The following SNX19 variants were observed in gnomAD, a reference collection of about 807,000 sequenced individuals.
SNX19 encodes the protein sorting nexin-19.
In SNX19, 60 loss-of-function variants were observed where a neutral mutation model predicts 85.2. The ratio of observed to expected loss-of-function variants is 0.70; its 90% CI spans 0.57 to 0.87. The LOEUF (loss-of-function observed/expected upper bound fraction) is 0.87, where lower values mean the gene tolerates loss of function less well. SNX19 is among the 40% of genes least tolerant of loss of function. The probability of loss-of-function intolerance (pLI) is 0.00; values close to 1 mark genes in which losing one functional copy is unlikely to be tolerated. For synonymous variants in SNX19, 520 were observed against 470.0 expected (o/e 1.11, Z -1.38); for missense variants, 1,201 against 1,217.8 (o/e 0.99, Z 0.21).
rs2135268852 is a variant in SNX19, at chr11:130,878,284, G to A, written c.*138C>T. On this transcript the variant is annotated 3_prime_UTR_variant, in exon 11 of 11. Transcript: ENST00000265909. The stretch of plus-strand genomic sequence containing the variant: ...GTCACCTGCTACAAATGGAGCAGAA[G>A]TGGGAGAGAAGTGAGCCACCGAGAA... 1 of 906,342 alleles carries A rather than the reference G, an allele frequency of 1.1e-6. No individual in the cohort carries two copies. The allele number at this position is 906,342 out of a possible 1,614,324, so 56.1% of individuals were successfully genotyped here. A position where few individuals can be genotyped will look rare whatever the true frequency, so the allele number is the denominator to read the frequency against.
At chr11:130,899,447 A>G (rs1945106991) in intron 8 of SNX19, among the ~76,000 whole-genome samples, 1 of 152,202 alleles carries the variant, frequency 6.6e-6, no homozygotes, top group African/African-American at 2.4e-5. Flanking sequence ...GCTATAAGGT[A>G]CTTCAGAAGA....
chr11:130,902,950 G>A, intron 8 of SNX19: 1 of 262,522 alleles, frequency 3.8e-6, no homozygotes, highest in Non-Finnish European at 7.3e-6. Context: ...TGCAGGGCTG[G>A]AGGATATAAC....
Position 130,912,553 on chromosome 11 carries a change from C to T in SNX19, c.1675-782G>A, listed in dbSNP as rs76028953. On this transcript the variant is annotated intron_variant, in intron 1 of 10. Transcript: ENST00000265909. ...ACGCTGTGGGAGAAGTATATATGTGCGCCTTCTCATTAGGAATGGGCTATT... is the reference window on the plus strand; with the variant it reads ...ACGCTGTGGGAGAAGTATATATGTGTGCCTTCTCATTAGGAATGGGCTATT... 7.3e-3 allele frequency among the ~76,000 whole-genome samples: 1,118 copies of T among 152,268 alleles called. 12 individuals are homozygous for T. Among genetic ancestry groups the T allele is most frequent in the African/African-American group, 0.026 (1,080 of 41,544 alleles).
intron 8 of SNX19, chr11:130,895,203 C>A: frequency 1.0e-6 from 1 of 985,382 alleles, no homozygotes; most frequent in Non-Finnish European, 1.2e-6. Context: ...CCTGAAGGGC[C>A]CCCAAACCTC....
In SNX19 at chr11:130,903,342, A is replaced by G; in HGVS notation, c.2486T>C (p.Leu829Pro). 3.1e-6 allele frequency: 5 copies of G among 1,613,444 alleles called. No individual in the cohort carries two copies. Among genetic ancestry groups the G allele is most frequent in the Non-Finnish European group, 3.4e-6 (4 of 1,179,908 alleles). ...ELADTALDLLLLLLTEQWKWL... is the reference protein window; with the variant it reads ...ELADTALDLLPLLLTEQWKWL... ...TTTCCACTGTTCTGTTAGTAGCAAG[A>G]GGAGCAGATCCAGGGCTGTGTCAGC... The change falls in exon 8 of 11, where the codon CTC becomes CCC. Residue 829 changes from leucine to proline, a missense_variant. Leu to Pro is a moderately conservative substitution (Grantham distance 98, BLOSUM62 -3). Coordinates refer to ENST00000265909, the MANE Select transcript of SNX19 (RefSeq NM_014758.3).
chr11:130,881,105 T>A (rs1943636713), intron 8 of SNX19: 1 of 246,240 alleles, frequency 4.1e-6, no homozygotes, highest in African/African-American at 2.2e-5. Context: ...GTTCTGCTGG[T>A]ACCTTGATCT....
Position 130,914,154 on chromosome 11 carries a change from G to A in SNX19, c.1674+112C>T, listed in dbSNP as rs1050348722. On this transcript the variant is annotated intron_variant, in intron 1 of 10. Transcript: ENST00000265909. ...CCATTCACAGAGATAGATGCCTATT[G>A]AAAGAACCACTTCAAACTAACAGCA... is the stretch of plus-strand genomic sequence containing the variant. The A allele has an allele frequency of 3.4e-6, 3 of 876,940 alleles. No individual in the cohort carries two copies. The Admixed American group carries it at 8.9e-5, about 26-fold the overall frequency. 54.3% of individuals were successfully genotyped at this position (876,940 alleles called of 1,614,324 possible). A position where few individuals can be genotyped will look rare whatever the true frequency, so the allele number is the denominator to read the frequency against.
Position 130,878,274 on chromosome 11 carries a change from T to C in SNX19, c.*148A>G, listed in dbSNP as rs1025392915. 16 of 803,028 alleles carry C rather than the reference T, an allele frequency of 2.0e-5. No individual in the cohort carries two copies. The highest frequency in any genetic ancestry group is 1.7e-4 in the African/African-American group (10 of 58,688). 49.7% of individuals were successfully genotyped at this position (803,028 alleles called of 1,614,324 possible). ...ACAGACCCCTGTCACCTGCTACAAA[T>C]GGAGCAGAAGTGGGAGAGAAGTGAG... On this transcript the variant is annotated 3_prime_UTR_variant, in exon 11 of 11. Coordinates refer to ENST00000265909, the MANE Select transcript of SNX19 (RefSeq NM_014758.3).
At chr11:130,885,362 G>A (rs1245237292) in intron 8 of SNX19, among the ~76,000 whole-genome samples, 1 of 152,206 alleles carries the variant, frequency 6.6e-6, no homozygotes, top group African/African-American at 2.4e-5. Flanking sequence ...GGGGAATGAA[G>A]CAATGACTAA....
chr11:130,903,485 C>T, intron 7 of SNX19, 101 bp from the exon 8 acceptor site: 1 of 1,306,494 alleles, frequency 7.7e-7, no homozygotes, highest in Non-Finnish European at 1.0e-6. Flanking sequence ...ACCTTCATGC[C>T]AATCATCTGG....
intron 9 of SNX19, among the ~76,000 whole-genome samples, chr11:130,880,404 G>A (rs960226554): frequency 1.3e-5 from 2 of 152,208 alleles, no homozygotes; most frequent in African/African-American, 4.8e-5. Flanking sequence ...CAGCTGTAGA[G>A]TTCCTTTCCA....
intron 8 of SNX19, among the ~76,000 whole-genome samples, chr11:130,890,616 TC>T (rs1944426457): frequency 1.3e-5 from 2 of 152,170 alleles, no homozygotes; most frequent in Non-Finnish European, 2.9e-5. Context: ...CATACTAACT[TC>T]TTTGAGTACC....
chr11:130,911,230 T>C (rs1308577928), intron 2 of SNX19, among the ~76,000 whole-genome samples: 3 of 2,002 alleles, frequency 1.5e-3, no homozygotes, highest in Non-Finnish European at 3.1e-3. Context: ...TGCCTGAGAG[T>C]TGTCATAACA....
rs886338551 is a variant in SNX19, at chr11:130,874,088, T to A, written c.*4334A>T. ...TTAAGGCTAGAATGCAGTGGTGTGA[T>A]CGTAGCTCACTGCAGCCTCAAATTC... On this transcript the variant is annotated 3_prime_UTR_variant, in exon 11 of 11. Coordinates refer to ENST00000265909, the MANE Select transcript of SNX19 (RefSeq NM_014758.3). 2.6e-5 allele frequency among the ~76,000 whole-genome samples: 4 copies of A among 152,058 alleles called. No individual in the cohort carries two copies. Among genetic ancestry groups the A allele is most frequent in the Non-Finnish European group, 4.4e-5 (3 of 67,992 alleles).
Position 130,916,008 on chromosome 11 carries a change from G to A in SNX19, c.-69C>T, listed in dbSNP as rs1946563222. On this transcript the variant is annotated 5_prime_UTR_variant, in exon 1 of 11. Coordinates refer to ENST00000265909, the MANE Select transcript of SNX19 (RefSeq NM_014758.3). Reference sequence around the variant, plus strand: ...ATTTTACTTCAGAGTTAGGGAAGGGGGGCATGAACTGTGTCTCAGATATGG... The same window carrying A: ...ATTTTACTTCAGAGTTAGGGAAGGGAGGCATGAACTGTGTCTCAGATATGG... 13 of 1,401,554 alleles carry A rather than the reference G, an allele frequency of 9.3e-6. No homozygotes were observed. The South Asian group carries it at 1.5e-4, about 16-fold the overall frequency. 86.8% of individuals were successfully genotyped at this position (1,401,554 alleles called of 1,614,324 possible).
rs746828938 is a variant in SNX19, at chr11:130,915,816, T to C, written c.124A>G (p.Ile42Val). 2 of 1,614,128 alleles carry C rather than the reference T, an allele frequency of 1.2e-6. No homozygotes were observed. The highest frequency in any genetic ancestry group is 1.1e-5 in the South Asian group (1 of 91,084). ...AGCCACACGTTGACCAGAAGGTGTA[T>C]GACCAGGAGCCAGCCAAGCAAGACC... ...VGVLLGWLLVIHLLVNVWLLC... is the reference protein window; with the variant it reads ...VGVLLGWLLVVHLLVNVWLLC... The change falls in exon 1 of 11, where the codon ATA (isoleucine) becomes GTA (valine). Residue 42 changes from isoleucine to valine, a missense_variant. Physicochemically the swap from Ile to Val is conservative, Grantham distance 29 (BLOSUM62 3). This residue lies in a region of SNX19 where 791 missense variants were observed against 750.9 expected (regional missense o/e 1.05). Coordinates refer to ENST00000265909, the MANE Select transcript of SNX19 (RefSeq NM_014758.3).
At position 130,874,348 on chromosome 11, in the gene SNX19, G is replaced by A. The variant is rs548304282; in HGVS notation, c.*4074C>T. Among the ~76,000 whole-genome samples, 40 of 152,278 alleles carry A rather than the reference G, an allele frequency of 2.6e-4. No individual in the cohort carries two copies. Among genetic ancestry groups the A allele is most frequent in the African/African-American group, 9.1e-4 (38 of 41,556 alleles). The stretch of plus-strand genomic sequence containing the variant: ...AGAAGAGGATTCTTGAAGGACTTCT[G>A]GGAAATGGTTCCTTCATTCCTTAGA... On this transcript the variant is annotated 3_prime_UTR_variant, in exon 11 of 11. Transcript: ENST00000265909.
intron 8 of SNX19, among the ~76,000 whole-genome samples, chr11:130,886,166 T>A (rs992535744): frequency 3.3e-5 from 5 of 152,212 alleles, no homozygotes. Flanking sequence ...CTCATGGTTG[T>A]AGCGCAATGT....
intron 8 of SNX19, among the ~76,000 whole-genome samples, chr11:130,886,902 G>C (rs1013707538): frequency 1.5e-4 from 23 of 152,128 alleles, no homozygotes; most frequent in Non-Finnish European, 2.1e-4. Flanking sequence ...CAACACTGCT[G>C]CCCTCTGACT....
Sources: gnomAD v4.1 joint callset for allele counts (sites outside exome capture counted in the v4.1 genomes callset) on GRCh38, gnomAD v4.1.1 for gene constraint, gnomAD v4.1.1 regional missense constraint, MANE v1.5 for transcripts, NCBI Gene and HGNC (gene_info 2026-07-23, HGNC 2026-07-21) for gene names.